SLC6A7: variants seen among roughly 807,000 people sequenced by gnomAD.
SLC6A7 encodes the protein solute carrier family 6 member 7.
SLC6A7 carries 58 observed loss-of-function variants against 73.1 expected under a neutral mutation model. The observed-to-expected ratio is 0.79, with a 90% CI of 0.64 to 0.99. SLC6A7 has a LOEUF of 0.99. Among genes scored for constraint, SLC6A7 ranks in the 50% least tolerant of loss-of-function variants. The probability of loss-of-function intolerance (pLI) is 0.00; values close to 1 mark genes in which losing one functional copy is unlikely to be tolerated. For synonymous variants in SLC6A7, 338 were observed against 338.7 expected (o/e 1.00, Z 0.02); for missense variants, 783 against 831.4 (o/e 0.94, Z 0.72).
chr5:150,203,946 G>A lies in SLC6A7; in HGVS notation c.1240G>A (p.Glu414Lys), dbSNP rs1753539960. ...LETIVTAVTD[E>K]FPYYLRPKKA... The stretch of plus-strand genomic sequence containing the variant: ...GACCATTGTGACAGCTGTGACAGAT[G>A]AGTTCCCATACTACCTGCGGCCCAA... Residue 414 changes from glutamate (E) to lysine (K), a missense_variant, in exon 10 of 14, where the codon GAG becomes AAG. Coordinates refer to ENST00000230671, the MANE Select transcript of SLC6A7 (RefSeq NM_014228.5). 3 of 1,613,360 alleles carry A rather than the reference G, an allele frequency of 1.9e-6. No homozygotes were observed. The highest frequency in any genetic ancestry group is 1.1e-5 in the South Asian group (1 of 91,056).
chr5:150,195,930 G>A (rs892230489), intron 2 of SLC6A7, among the ~76,000 whole-genome samples: 14 of 152,094 alleles, frequency 9.2e-5, no homozygotes, highest in South Asian at 2.1e-4. Context: ...CTTCCTCCCC[G>A]CAGTTGGTGG....
At chr5:150,198,811 G>GTGTGTGTGTGTTTGTGT (rs1753206856) in intron 4 of SLC6A7, among the ~76,000 whole-genome samples, 1 of 112,026 alleles carries the variant, frequency 8.9e-6, no homozygotes, top group African/African-American at 3.3e-5. Flanking sequence ...GGCCCTGGAT[G>GTGTGTGTGTGTTTGTGT]GTGTGTGTGT....
intron 2 of SLC6A7, among the ~76,000 whole-genome samples, chr5:150,196,453 C>CTCAT (rs1267636324): frequency 6.6e-6 from 1 of 152,216 alleles, no homozygotes; most frequent in Non-Finnish European, 1.5e-5. Flanking sequence ...CATTCTCTCC[C>CTCAT]TCATTCATTC....
chr5:150,201,678 C>T (rs1753390640), intron 6 of SLC6A7, among the ~76,000 whole-genome samples: 1 of 152,156 alleles, frequency 6.6e-6, no homozygotes, highest in South Asian at 2.1e-4. Flanking sequence ...GGTCATACAG[C>T]TAGGGGATCG....
At position 150,190,241 on chromosome 5, in the gene SLC6A7, C is replaced by G; in HGVS notation, c.-87C>G. The G allele has an allele frequency of 8.5e-7, 1 of 1,177,412 alleles. No individual in the cohort carries two copies. Among genetic ancestry groups the G allele is most frequent in the Non-Finnish European group, 1.2e-6 (1 of 850,228 alleles). The allele number at this position is 1,177,412 out of a possible 1,614,324, so 72.9% of individuals were successfully genotyped here. Reference sequence around the variant, plus strand: ...AGCCGGTGCGCGGGAGCCGCGGGGGCAAAGGCGCAGTGGCCAGCGGACCAT... The same window carrying G: ...AGCCGGTGCGCGGGAGCCGCGGGGGGAAAGGCGCAGTGGCCAGCGGACCAT... On this transcript the variant is annotated 5_prime_UTR_variant, in exon 1 of 14. Transcript: ENST00000230671.
intron 4 of SLC6A7, among the ~76,000 whole-genome samples, chr5:150,197,937 T>C (rs1304235427): frequency 2.0e-5 from 3 of 152,092 alleles, no homozygotes; most frequent in African/African-American, 4.8e-5. Flanking sequence ...CAGTGGGTCC[T>C]GGGAATGGTG....
rs190802297 is a variant in SLC6A7, at chr5:150,195,954, G to T, written c.218-762G>T. 1.2e-4 allele frequency among the ~76,000 whole-genome samples: 18 copies of T among 152,268 alleles called. No homozygotes were observed. In the East Asian group the frequency reaches 3.3e-3, roughly 28 times the overall value. ...CGCAGTTGGTGGGGGACAGGCCTTG[G>T]GGGGAGGTGGCCACAGACAACTCTG... is the stretch of plus-strand genomic sequence containing the variant. On this transcript the variant is annotated intron_variant, in intron 2 of 13. Coordinates refer to ENST00000230671, the MANE Select transcript of SLC6A7 (RefSeq NM_014228.5).
rs149668687 is a variant in SLC6A7 at position 150,193,531 on chromosome 5, G to C, written c.34-1197G>C. On this transcript the variant is annotated intron_variant, in intron 1 of 13. Coordinates refer to ENST00000230671, the MANE Select transcript of SLC6A7 (RefSeq NM_014228.5). ...GCATGCGGGGAGGGGGAGTATTGGG[G>C]AAGTTTTCTGGCTTGTGACTGAAAA... Among the ~76,000 whole-genome samples, 655 of 152,262 alleles carry C rather than the reference G, an allele frequency of 4.3e-3. 14 individuals are homozygous for C. Among genetic ancestry groups the C allele is most frequent in the South Asian group, 0.039 (188 of 4,822 alleles).
In SLC6A7 at chr5:150,193,120, A is replaced by T. The variant is rs891694671; in HGVS notation, c.34-1608A>T. ...TCACCCCTTGCAGCCTAGTTACTTTAAAAACAGCTCTTCATGCTCTGTCAT... is the reference window on the plus strand; with the variant it reads ...TCACCCCTTGCAGCCTAGTTACTTTTAAAACAGCTCTTCATGCTCTGTCAT... On this transcript the variant is annotated intron_variant, in intron 1 of 13. Transcript: ENST00000230671. 2.0e-5 allele frequency among the ~76,000 whole-genome samples: 3 copies of T among 152,358 alleles called. No individual in the cohort carries two copies. In the East Asian group the frequency reaches 5.8e-4, roughly 29 times the overall value.
intron 13 of SLC6A7, among the ~76,000 whole-genome samples, chr5:150,206,793 G>C (rs1316822946): frequency 6.6e-6 from 1 of 152,196 alleles, no homozygotes; most frequent in African/African-American, 2.4e-5. Context: ...GGGAAGAGAG[G>C]GGAGTTGCTT....
chr5:150,201,152 A>G lies in SLC6A7; in HGVS notation c.787A>G (p.Thr263Ala). 1 of 1,612,932 alleles carries G rather than the reference A, an allele frequency of 6.2e-7. No individual in the cohort carries two copies. The highest frequency in any genetic ancestry group is 8.5e-7 in the Non-Finnish European group (1 of 1,179,496). The change falls in exon 6 of 14, where the codon ACC (threonine) becomes GCC (alanine). Residue 263 changes from threonine (T) to alanine (A), a missense_variant. Physicochemically the swap from Thr to Ala is moderately conservative, Grantham distance 58. Transcript: ENST00000230671. The stretch of plus-strand genomic sequence containing the variant: ...GCTCATGCTGCTGGTCCGCGGAGTC[A>G]CCCTCCCAGGGGCCTGGAAGGGCAT... ...ILLMLLVRGVTLPGAWKGIQF... is the reference protein window; with the variant it reads ...ILLMLLVRGVALPGAWKGIQF...
Position 150,205,443 on chromosome 5 carries a change from C to A in SLC6A7, c.1534-13C>A. On this transcript the variant is annotated splice_polypyrimidine_tract_variant and intron_variant, in intron 12 of 13. Transcript: ENST00000230671. ...AAAAGCCCGCAGTGATGCTGGGAGT[C>A]CCCACTCTGCAGGCCCTCATGGTGT... The A allele has an allele frequency of 6.3e-7, 1 of 1,576,962 alleles. No individual in the cohort carries two copies. Among genetic ancestry groups the A allele is most frequent in the African/African-American group, 1.4e-5 (1 of 73,998 alleles).
Position 150,196,806 on chromosome 5 carries a change from T to C in SLC6A7, c.308T>C (p.Leu103Pro), listed in dbSNP as rs1260376050. Residue 103 changes from leucine (L) to proline (P), a missense_variant, in exon 3 of 14, where the codon CTA (leucine) becomes CCA (proline). Transcript: ENST00000230671. ...CTCTCCCTGGGCCAGTTCTCCAGCC[T>C]AGGGCCCCTGGCTGTCTGGAAAATC... is the stretch of plus-strand genomic sequence containing the variant. ...LELSLGQFSSLGPLAVWKISP... is the reference protein window; with the variant it reads ...LELSLGQFSSPGPLAVWKISP... The C allele has an allele frequency of 6.2e-7, 1 of 1,613,880 alleles. No individual in the cohort carries two copies. The highest frequency in any genetic ancestry group is 8.5e-7 in the Non-Finnish European group (1 of 1,179,898).
At chr5:150,205,395 C>G (rs564424471) in intron 12 of SLC6A7, 61 bp from the exon 13 acceptor site, 1 of 1,307,720 alleles carries the variant, frequency 7.6e-7, no homozygotes, top group Non-Finnish European at 1.0e-6. Flanking sequence ...GCTGGGCTAC[C>G]TCGGGCCTTA....
rs7725994 is a variant in SLC6A7 at position 150,202,849 on chromosome 5, C to G, written c.1087+146C>G. On this transcript the variant is annotated intron_variant, in intron 8 of 13. Coordinates refer to ENST00000230671, the MANE Select transcript of SLC6A7 (RefSeq NM_014228.5). ...CAGCACTTTGGGAGGCCAAGGTGGG[C>G]GGATCGCTTGAGGTCAGGAGTTCGA... The G allele has an allele frequency of 1.4e-3, 1,204 of 858,396 alleles. 8 individuals are homozygous for G. In the African/African-American group the frequency reaches 0.018, roughly 13 times the overall value. 53.2% of individuals were successfully genotyped at this position (858,396 alleles called of 1,614,324 possible).
At chr5:150,208,199 A>G (rs2113991075) in intron 13 of SLC6A7, among the ~76,000 whole-genome samples, 1 of 152,214 alleles carries the variant, frequency 6.6e-6, no homozygotes, top group East Asian at 1.9e-4. Flanking sequence ...CTGCACTTAA[A>G]AAAAAAAGGA....
In SLC6A7 at chr5:150,197,026, C is replaced by T. The variant is rs761841515; in HGVS notation, c.350-16C>T. The stretch of plus-strand genomic sequence containing the variant: ...GAGCTTGGCCTGGGCAGCCCAGCAG[C>T]CTCTCCCCACACCAGGCGCCGGCGC... On this transcript the variant is annotated splice_polypyrimidine_tract_variant and intron_variant, in intron 3 of 13. Coordinates refer to ENST00000230671, the MANE Select transcript of SLC6A7 (RefSeq NM_014228.5). 1.2e-6 allele frequency: 2 copies of T among 1,609,300 alleles called. No individual in the cohort carries two copies. Among genetic ancestry groups the T allele is most frequent in the East Asian group, 2.2e-5 (1 of 44,876 alleles).
chr5:150,192,682 G>A (rs1206332968), intron 1 of SLC6A7, among the ~76,000 whole-genome samples: 1 of 152,164 alleles, frequency 6.6e-6, no homozygotes, highest in Non-Finnish European at 1.5e-5. Context: ...ATTGGGGGAG[G>A]AGGGGGACGA....
At chr5:150,203,631 G>C (rs889537482) in intron 8 of SLC6A7, 36 bp from the exon 9 acceptor site, 4 of 1,069,444 alleles carry the variant, frequency 3.7e-6, no homozygotes, top group Non-Finnish European at 5.9e-6. Flanking sequence ...CCCACCGCAT[G>C]ACCCAAGCTG....
Sources: allele counts gnomAD v4.1 joint callset (sites outside exome capture counted in the v4.1 genomes callset), GRCh38; gene constraint gnomAD v4.1.1; transcripts MANE v1.5; gene names NCBI Gene and HGNC (gene_info 2026-07-23, HGNC 2026-07-21).